The following SLC9A2 variants were observed in gnomAD, a reference collection of about 807,000 sequenced individuals.
SLC9A2 encodes the protein sodium/hydrogen exchanger 2.
SLC9A2 carries 42 observed loss-of-function variants against 71.7 expected under a neutral mutation model. The observed-to-expected ratio is 0.59, with a 90% CI of 0.46 to 0.76. The LOEUF (loss-of-function observed/expected upper bound fraction) is 0.76, where lower values mean the gene tolerates loss of function less well. Ranked by LOEUF, SLC9A2 falls within the 30% of genes least tolerant of loss-of-function variation. The probability of loss-of-function intolerance (pLI) is 0.00; values close to 1 mark genes in which losing one functional copy is unlikely to be tolerated. For missense variants in SLC9A2, 829 were observed against 1,017.4 expected (o/e 0.81, Z 2.52); for synonymous variants, 396 against 392.5 (o/e 1.01, Z -0.10).
At chr2:102,675,762 T>C (rs1406413472) in intron 3 of SLC9A2, among the ~76,000 whole-genome samples, 1 of 152,184 alleles carries the variant, frequency 6.6e-6, no homozygotes, top group East Asian at 1.9e-4. Flanking sequence ...TCCACATTAC[T>C]CCTCAAATCC....
chr2:102,683,092 A>G (rs752731729), intron 3 of SLC9A2, among the ~76,000 whole-genome samples, 169 bp from the exon 4 acceptor site: 1 of 152,198 alleles, frequency 6.6e-6, no homozygotes, highest in Non-Finnish European at 1.5e-5. Context: ...CGGAGATTGC[A>G]GGATTTCCGA....
At chr2:102,699,335 C>A (rs553828507) in intron 7 of SLC9A2, among the ~76,000 whole-genome samples, 1 of 152,106 alleles carries the variant, frequency 6.6e-6, no homozygotes, top group African/African-American at 2.4e-5. Flanking sequence ...ACACCAGTGA[C>A]GCTGCAGCTA....
intron 1 of SLC9A2, 59 bp from the exon 2 acceptor site, chr2:102,657,505 T>G (rs969057379): frequency 1.2e-5 from 14 of 1,196,222 alleles, no homozygotes; most frequent in Non-Finnish European, 1.6e-5. Context: ...GGAACCAATT[T>G]CCTGTCTCCC....
intron 1 of SLC9A2, among the ~76,000 whole-genome samples, chr2:102,636,795 G>C (rs1039196690): frequency 7.2e-5 from 11 of 152,140 alleles, no homozygotes; most frequent in Non-Finnish European, 1.6e-4. Context: ...GCACTGGCAC[G>C]CCCTAGTGGC....
intron 5 of SLC9A2, among the ~76,000 whole-genome samples, chr2:102,685,906 AGG>A (rs1178675911): frequency 6.6e-6 from 1 of 152,214 alleles, no homozygotes; most frequent in Non-Finnish European, 1.5e-5. Context: ...ATGATTGTGA[AGG>A]GAGTGAAAAT....
chr2:102,660,653 G>A (rs1183737843), intron 2 of SLC9A2, among the ~76,000 whole-genome samples: 1 of 152,212 alleles, frequency 6.6e-6, no homozygotes, highest in Admixed American at 6.5e-5. Flanking sequence ...TTATCTGTAG[G>A]AGAGGTTAAA....
intron 1 of SLC9A2, among the ~76,000 whole-genome samples, chr2:102,638,071 T>C (rs968881400): frequency 2.6e-5 from 4 of 152,190 alleles, no homozygotes; most frequent in African/African-American, 9.7e-5. Flanking sequence ...AGAATTTACA[T>C]GTGGATCCTC....
intron 6 of SLC9A2, 66 bp from the exon 7 acceptor site, chr2:102,694,977 C>A: frequency 7.5e-7 from 1 of 1,335,896 alleles, no homozygotes; most frequent in Non-Finnish European, 1.1e-6. Flanking sequence ...AGAAATGATA[C>A]AAGTAGAGTG....
chr2:102,628,682 A>C (rs1676300139), intron 1 of SLC9A2, among the ~76,000 whole-genome samples: 1 of 151,960 alleles, frequency 6.6e-6, no homozygotes, highest in Non-Finnish European at 1.5e-5. Context: ...TTTACTTCTC[A>C]GTTAATAAAC....
At chr2:102,662,717 A>G (rs1200052503) in intron 2 of SLC9A2, among the ~76,000 whole-genome samples, 1 of 152,146 alleles carries the variant, frequency 6.6e-6, no homozygotes, top group African/African-American at 2.4e-5. Context: ...TGTTTTATGG[A>G]ACAGTGATGA....
chr2:102,687,144 T>C (rs769081924), intron 5 of SLC9A2, among the ~76,000 whole-genome samples: 1 of 152,202 alleles, frequency 6.6e-6, no homozygotes, highest in African/African-American at 2.4e-5. Flanking sequence ...CTTGTGTTGA[T>C]ATCTTCTTTT....
chr2:102,684,627 TG>T (rs1191262651), intron 5 of SLC9A2, among the ~76,000 whole-genome samples: 1 of 152,234 alleles, frequency 6.6e-6, no homozygotes, highest in African/African-American at 2.4e-5. Flanking sequence ...ATTATTTTTC[TG>T]ACTTAGTGAA....
rs1318855577 is a variant in SLC9A2 at position 102,708,439 on chromosome 2, G to A, written c.2389G>A (p.Ala797Thr). ...PKPPPRLVWR[A>T]SEPGSRKARF... ...GCCGCCACCACGGCTGGTCTGGAGG[G>A]CATCGGAACCTGGAAGCCGGAAAGC... Residue 797 changes from alanine to threonine, a missense_variant, in exon 12 of 12, where the codon GCA (alanine) becomes ACA (threonine). Physicochemically the swap from Ala to Thr is moderately conservative, Grantham distance 58. This residue lies in a region of SLC9A2 where 223 missense variants were observed against 197.5 expected (regional missense o/e 1.13). Transcript: ENST00000233969. 1 of 1,614,034 alleles carries A rather than the reference G, an allele frequency of 6.2e-7. No homozygotes were observed. Among genetic ancestry groups the A allele is most frequent in the Non-Finnish European group, 8.5e-7 (1 of 1,180,036 alleles).
intron 1 of SLC9A2, among the ~76,000 whole-genome samples, chr2:102,623,405 G>A (rs2160187): frequency 0.13 from 20,068 of 152,006 alleles, 2,673 homozygotes; most frequent in African/African-American, 0.34. Flanking sequence ...GCCCAGCCTC[G>A]TCCTGCAGCT....
rs147714670 is a variant in SLC9A2 at position 102,657,898 on chromosome 2, G to A, written c.624G>A (p.Leu208=). The A allele has an allele frequency of 8.2e-5, 132 of 1,614,230 alleles. No homozygotes were observed. The African/African-American group carries it at 1.5e-3, about 18-fold the overall frequency. ...GCGACATCACTTTGCTCCAGAACCT[G>A]CTCTTTGGCAGCTTAATCTCAGCTG... The part of the protein sequence containing the change: ...GLSDITLLQN[L]LFGSLISAVD... Residue 208 remains leucine (L), a synonymous_variant, in exon 2 of 12, where the codon CTG becomes CTA. Transcript: ENST00000233969.
chr2:102,698,830 C>T (rs73001582), intron 7 of SLC9A2, among the ~76,000 whole-genome samples: 1 of 152,218 alleles, frequency 6.6e-6, no homozygotes, highest in African/African-American at 2.4e-5. Flanking sequence ...TTATTGAGCA[C>T]GCTGGCAAGG....
At chr2:102,650,268 A>G (rs915775937) in intron 1 of SLC9A2, among the ~76,000 whole-genome samples, 2 of 152,160 alleles carry the variant, frequency 1.3e-5, no homozygotes, top group Admixed American at 6.5e-5. Flanking sequence ...GAGTTGAACA[A>G]TGAGAACATA....
At chr2:102,665,604 C>G (rs761563938) in intron 3 of SLC9A2, among the ~76,000 whole-genome samples, 1 of 151,546 alleles carries the variant, frequency 6.6e-6, no homozygotes, top group African/African-American at 2.4e-5. Context: ...GAAACCCCGT[C>G]TCTACTAAAA....
At chr2:102,659,372 C>T (rs1035685526) in intron 2 of SLC9A2, among the ~76,000 whole-genome samples, 4 of 151,732 alleles carry the variant, frequency 2.6e-5, no homozygotes, top group African/African-American at 4.8e-5. Flanking sequence ...GCCAGTGAGG[C>T]GGAGGTTGCA....
Sources: gnomAD v4.1 joint callset for allele counts (sites outside exome capture counted in the v4.1 genomes callset) on GRCh38, gnomAD v4.1.1 for gene constraint, gnomAD v4.1.1 regional missense constraint, MANE v1.5 for transcripts, NCBI Gene and HGNC (gene_info 2026-07-23, HGNC 2026-07-21) for gene names.